The following TRPM4 variants were observed in gnomAD, a reference collection of about 807,000 sequenced individuals.
TRPM4 encodes the protein transient receptor potential cation channel subfamily M member 4.
A neutral mutation model predicts 135.6 loss-of-function variants in TRPM4; 124 were observed. The observed-to-expected ratio is 0.91, with a 90% CI of 0.79 to 1.06. The LOEUF (loss-of-function observed/expected upper bound fraction) is 1.06, where lower values mean the gene tolerates loss of function less well. Among genes scored for constraint, TRPM4 ranks in the 50% least tolerant of loss-of-function variants. The pLI, the probability that TRPM4 is intolerant of heterozygous loss-of-function variation, is 0.00. For synonymous variants in TRPM4, 745 were observed against 705.6 expected, an observed-to-expected ratio of 1.06 and a Z score of -0.88; for missense variants, 1,658 against 1,671.4, an observed-to-expected ratio of 0.99 and a Z score of 0.14.
intron 12 of TRPM4, among the ~76,000 whole-genome samples, chr19:49,185,476 AGCAATCCTCC>A (rs1305646581): frequency 6.6e-6 from 1 of 152,142 alleles, no homozygotes; most frequent in African/African-American, 2.4e-5. Context: ...CTTGGGCTCA[AGCAATCCTCC>A]TGCCTGGGCC....
At chr19:49,158,588 A>AT (rs2041565796) in intron 2 of TRPM4, 1 of 16,142 alleles carries the variant, frequency 6.2e-5, no homozygotes, top group Non-Finnish European at 2.6e-4. Context: ...TTTCTGTTTC[A>AT]TTCATTCATT....
At chr19:49,208,283 G>C (rs978990154) in intron 20 of TRPM4, among the ~76,000 whole-genome samples, 8 of 140,926 alleles carry the variant, frequency 5.7e-5, no homozygotes, top group African/African-American at 1.1e-4. Context: ...CCTGACATCA[G>C]TCAGGCCCTC....
At position 49,182,691 on chromosome 19, in the gene TRPM4, C is replaced by T. The variant is rs199568227; in HGVS notation, c.1377C>T (p.Arg459=). Residue 459 remains arginine, a synonymous_variant, in exon 11 of 25, where the codon CGC becomes CGT. Transcript: ENST00000252826. The part of the protein sequence containing the change: ...LSLGHFLTPM[R]LAQLYSAAPS... ...TGGGCCACTTCCTGACCCCGATGCGCCTGGCCCAACTCTACAGCGCGGCGC... is the reference window on the plus strand; with the variant it reads ...TGGGCCACTTCCTGACCCCGATGCGTCTGGCCCAACTCTACAGCGCGGCGC... 17 of 1,614,226 alleles carry T rather than the reference C, an allele frequency of 1.1e-5. No homozygotes were observed. In the East Asian group the frequency reaches 3.8e-4, roughly 36 times the overall value.
rs1183133556 is a variant in TRPM4 at position 49,200,681 on chromosome 19, G to A, written c.2849G>A (p.Gly950Glu). 4.3e-6 allele frequency: 7 copies of A among 1,614,050 alleles called. No homozygotes were observed. In the East Asian group the frequency reaches 1.3e-4, roughly 31 times the overall value. ...GTAGCCTATGGCGTGGCCACGGAGG[G>A]GCTCCTGAGGCCACGGGACAGTGAC... ...WLVAYGVATEGLLRPRDSDFP... is the reference protein window; with the variant it reads ...WLVAYGVATEELLRPRDSDFP... The change falls in exon 19 of 25, where the codon GGG becomes GAG. Residue 950 changes from glycine to glutamate, a missense_variant. Physicochemically the swap from Gly to Glu is moderately conservative, Grantham distance 98. Around this residue, in one of 3 missense-constraint regions of TRPM4, gnomAD observed 1,412 missense variants for 1,408.7 expected, o/e 1.00. Transcript: ENST00000252826.
chr19:49,210,445 G>T lies in TRPM4; in HGVS notation c.3328+40G>T. The T allele has an allele frequency of 6.2e-7, 1 of 1,603,222 alleles. No individual in the cohort carries two copies. The highest frequency in any genetic ancestry group is 1.8e-4 in the Middle Eastern group (1 of 5,692). On this transcript the variant is annotated intron_variant, in intron 21 of 24. Coordinates refer to ENST00000252826, the MANE Select transcript of TRPM4 (RefSeq NM_017636.4). The surrounding 1 kb of genome is among the most constrained non-coding windows in gnomAD (Gnocchi z 4.1). ...TGGCTTAAAAAGGAGAAATATAGGG[G>T]ACCGGGAGCCTGGAAGGCGAGGGGA...
chr19:49,167,441 G>A (rs1262601377), intron 3 of TRPM4, among the ~76,000 whole-genome samples: 1 of 98,810 alleles, frequency 1.0e-5, no homozygotes, highest in Non-Finnish European at 2.0e-5. Context: ...CTGGGTCTCT[G>A]TCCCTCTCTC....
At position 49,211,204 on chromosome 19, in the gene TRPM4, C is replaced by T. The variant is rs545449056; in HGVS notation, c.3575C>T (p.Ala1192Val). ...CGCGTCCTGGGGTGGGTGGCCGAGG[C>T]CCTGAGCCGCTCTGCCTTGCTGCCC... ...CSRVLGWVAE[A>V]LSRSALLPPG... The change falls in exon 24 of 25, where the codon GCC becomes GTC. Residue 1192 changes from alanine to valine, a missense_variant. Transcript: ENST00000252826. The surrounding 1 kb of genome is among the most constrained non-coding windows in gnomAD (Gnocchi z 4.8). The T allele has an allele frequency of 6.2e-7, 1 of 1,601,302 alleles. No homozygotes were observed. The highest frequency in any genetic ancestry group is 1.7e-5 in the Admixed American group (1 of 57,210).
intron 16 of TRPM4, among the ~76,000 whole-genome samples, chr19:49,195,683 A>ATTTTT (rs1293818542): frequency 1.6e-5 from 2 of 127,164 alleles, no homozygotes; most frequent in East Asian, 2.2e-4. Flanking sequence ...TTCTACTTTA[A>ATTTTT]TTTTTTTTTT....
rs781117170 is a variant in TRPM4, at chr19:49,166,024, C to T, written c.93-17C>T. The T allele has an allele frequency of 4.4e-6, 7 of 1,576,710 alleles. No individual in the cohort carries two copies. Among genetic ancestry groups the T allele is most frequent in the Non-Finnish European group, 6.0e-6 (7 of 1,163,310 alleles). ...GGGGGGCAGCCCTGGGTTCACGCTC[C>T]GCCCTCGCACCCCCAGAGGGACCTT... On this transcript the variant is annotated splice_polypyrimidine_tract_variant and intron_variant, in intron 2 of 24. Coordinates refer to ENST00000252826, the MANE Select transcript of TRPM4 (RefSeq NM_017636.4).
chr19:49,184,452 CTTTTTTTTTTTTTT>C (rs67748057), intron 12 of TRPM4, among the ~76,000 whole-genome samples: 2 of 45,476 alleles, frequency 4.4e-5, no homozygotes, highest in South Asian at 2.2e-3. Flanking sequence ...TCTCTGTAGT[CTTTTTTTTTTTTTT>C]TTTTTTTTTT....
intron 20 of TRPM4, among the ~76,000 whole-genome samples, chr19:49,202,382 C>T (rs548610812): frequency 3.9e-5 from 6 of 152,186 alleles, no homozygotes; most frequent in East Asian, 3.9e-4. Flanking sequence ...CTCACTCTGT[C>T]GCCAAGGCTA....
chr19:49,193,940 CCTCCTCCTT>C (rs1295320883), intron 16 of TRPM4, among the ~76,000 whole-genome samples: 1 of 151,064 alleles, frequency 6.6e-6, no homozygotes, highest in Non-Finnish European at 1.5e-5. Flanking sequence ...TCTTCATCCT[CCTCCTCCTT>C]CTCCTCCTCT....
At chr19:49,176,973 C>A (rs1303866380) in intron 9 of TRPM4, among the ~76,000 whole-genome samples, 1 of 152,152 alleles carries the variant, frequency 6.6e-6, no homozygotes, top group Admixed American at 6.6e-5. Flanking sequence ...TAATATCTTA[C>A]AGGAGTGTTA....
At chr19:49,182,018 A>G (rs573339246) in intron 10 of TRPM4, among the ~76,000 whole-genome samples, 1 of 150,724 alleles carries the variant, frequency 6.6e-6, no homozygotes, top group Non-Finnish European at 1.5e-5. Context: ...TCATCCATCT[A>G]CTTATCCATC....
At chr19:49,185,681 G>C (rs1968172451) in intron 12 of TRPM4, among the ~76,000 whole-genome samples, 1 of 152,072 alleles carries the variant, frequency 6.6e-6, no homozygotes, top group Non-Finnish European at 1.5e-5. Context: ...CCTCCCTCCA[G>C]GGTTTGTTGT....
At chr19:49,204,706 T>A (rs1480792729) in intron 20 of TRPM4, among the ~76,000 whole-genome samples, 1 of 149,828 alleles carries the variant, frequency 6.7e-6, no homozygotes, top group African/African-American at 2.5e-5. Context: ...GTTTTTTTAA[T>A]TTTTTTTTTA....
intron 2 of TRPM4, chr19:49,159,974 T>C (rs1159962082): frequency 2.0e-5 from 3 of 152,228 alleles, no homozygotes; most frequent in Non-Finnish European, 2.9e-5. Context: ...CAAGACAATT[T>C]AGGAAACTCT....
chr19:49,183,679 A>AGCATT (rs1968086176), intron 12 of TRPM4, among the ~76,000 whole-genome samples: 2 of 152,100 alleles, frequency 1.3e-5, no homozygotes, highest in African/African-American at 4.8e-5. Context: ...CTGGGATTAC[A>AGCATT]GGCATGTGCC....
intron 6 of TRPM4, among the ~76,000 whole-genome samples, chr19:49,169,796 G>A (rs1314230277): frequency 6.6e-6 from 1 of 151,910 alleles, no homozygotes; most frequent in Admixed American, 6.6e-5. Flanking sequence ...GGTCGAAAGT[G>A]GTCCACCTGC....
Sources: gnomAD v4.1 joint callset for allele counts (sites outside exome capture counted in the v4.1 genomes callset) on GRCh38, gnomAD v4.1.1 for gene constraint, gnomAD v4.1.1 regional missense constraint, Gnocchi (gnomAD v3.1) non-coding constraint, MANE v1.5 for transcripts, NCBI Gene and HGNC (gene_info 2026-07-23, HGNC 2026-07-21) for gene names.